CTNNAL1: variants seen among roughly 807,000 people sequenced by gnomAD.
CTNNAL1 encodes alpha-catulin.
A neutral mutation model predicts 93.6 loss-of-function variants in CTNNAL1; 69 were observed. The observed-to-expected ratio is 0.74, with a 90% CI of 0.61 to 0.90. CTNNAL1 has a LOEUF of 0.90. CTNNAL1 is among the 40% of genes least tolerant of loss of function. The probability of loss-of-function intolerance (pLI) is 0.00; values close to 1 mark genes in which losing one functional copy is unlikely to be tolerated. For synonymous variants in CTNNAL1, 286 were observed against 305.4 expected (o/e 0.94, Z 0.66); for missense variants, 836 against 862.0 (o/e 0.97, Z 0.38).
Position 108,943,795 on chromosome 9 carries a change from T to G in CTNNAL1, c.1963A>C (p.Met655Leu). The change falls in exon 17 of 19, where the codon ATG (methionine) becomes CTG (leucine). Residue 655 changes from methionine to leucine, a missense_variant. Physicochemically the swap from Met to Leu is conservative, Grantham distance 15 (BLOSUM62 2). Transcript: ENST00000325551. The part of the protein sequence containing the change: ...SKQLKDDDKL[M>L]LLLEINKLIP... ...AGCTTGTTTATTTCCAGGAGAAGCA[T>G]AAGCTTGTCATCGTCTTTCAGCTGA... 6.2e-7 allele frequency: 1 copy of G among 1,613,648 alleles called. No homozygotes were observed. Among genetic ancestry groups the G allele is most frequent in the Non-Finnish European group, 8.5e-7 (1 of 1,179,836 alleles).
At chr9:108,999,294 C>T in intron 1 of CTNNAL1, 38 bp from the exon 2 acceptor site, 1 of 1,553,898 alleles carries the variant, frequency 6.4e-7, no homozygotes, top group South Asian at 1.2e-5. Flanking sequence ...TATCTCAATA[C>T]CTTTTCTTTT....
At chr9:108,943,852 A>G in intron 16 of CTNNAL1, 36 bp from the exon 17 acceptor site, 1 of 1,607,476 alleles carries the variant, frequency 6.2e-7, no homozygotes, top group Non-Finnish European at 8.5e-7. Context: ...ACAGCCCGCA[A>G]CAAAACTCCA....
intron 11 of CTNNAL1, among the ~76,000 whole-genome samples, chr9:108,957,745 C>T (rs1264703848): frequency 6.6e-6 from 1 of 152,152 alleles, no homozygotes; most frequent in Admixed American, 6.5e-5. Flanking sequence ...AATTCACCAT[C>T]TATCTTAATT....
Position 108,954,648 on chromosome 9 carries a change from GT to G in CTNNAL1, c.1629+1141del, listed in dbSNP as rs1175519517. On this transcript the variant is annotated intron_variant, in intron 12 of 18. Transcript: ENST00000325551. ...GACAATAGCTTAAGGCACAAAAACT[GT>G]TTTTTTTAAGTCACAGAATTAATTT... Among the ~76,000 whole-genome samples, 6 of 151,808 alleles carry G rather than the reference GT, an allele frequency of 4.0e-5. No individual in the cohort carries two copies. In the East Asian group the frequency reaches 9.6e-4, roughly 24 times the overall value.
At chr9:109,005,519 G>A (rs912059963) in intron 1 of CTNNAL1, among the ~76,000 whole-genome samples, 1 of 152,052 alleles carries the variant, frequency 6.6e-6, no homozygotes, top group Non-Finnish European at 1.5e-5. Flanking sequence ...TTTAAAAGAG[G>A]CCTCAGAAAG....
At chr9:108,975,342 TA>T (rs1172448775) in intron 8 of CTNNAL1, among the ~76,000 whole-genome samples, 4 of 145,062 alleles carry the variant, frequency 2.8e-5, no homozygotes, top group Non-Finnish European at 4.5e-5. Context: ...GGGGTGGGGG[TA>T]GGGGGGGCAA....
intron 2 of CTNNAL1, among the ~76,000 whole-genome samples, chr9:108,994,815 G>T (rs1203229023): frequency 6.6e-6 from 1 of 152,154 alleles, no homozygotes; most frequent in Non-Finnish European, 1.5e-5. Context: ...CAGCTGTCTG[G>T]GTTGCTCTCT....
At chr9:108,995,647 G>C (rs1448303464) in intron 2 of CTNNAL1, among the ~76,000 whole-genome samples, 8 of 152,078 alleles carry the variant, frequency 5.3e-5, no homozygotes, top group Non-Finnish European at 1.2e-4. Context: ...ACAAATATTT[G>C]TTGAACTTCC....
chr9:109,011,818 G>T (rs1827211428), intron 1 of CTNNAL1, among the ~76,000 whole-genome samples: 1 of 152,202 alleles, frequency 6.6e-6, no homozygotes, highest in Admixed American at 6.5e-5. Flanking sequence ...GAGAATTAAT[G>T]AGTTAATATT....
At chr9:108,954,107 C>T (rs950751574) in intron 12 of CTNNAL1, among the ~76,000 whole-genome samples, 3 of 152,060 alleles carry the variant, frequency 2.0e-5, no homozygotes, top group South Asian at 2.1e-4. Flanking sequence ...AGTTTAATGA[C>T]GACTGAAATG....
chr9:108,963,861 G>A (rs1029613048), intron 11 of CTNNAL1, among the ~76,000 whole-genome samples: 2 of 152,180 alleles, frequency 1.3e-5, no homozygotes, highest in Admixed American at 6.5e-5. Flanking sequence ...GAGCTGACAG[G>A]TCACTGAGAT....
At chr9:108,989,495 T>C (rs950091181) in intron 4 of CTNNAL1, among the ~76,000 whole-genome samples, 1 of 152,166 alleles carries the variant, frequency 6.6e-6, no homozygotes, top group African/African-American at 2.4e-5. Flanking sequence ...TTATTTAGCC[T>C]GCCACTTGCC....
rs762412532 is a variant in CTNNAL1, at chr9:108,943,972, A to C, written c.1931T>G (p.Phe644Cys). ...GLKLTSSVQAFSKQLKDDDKL... is the reference protein window; with the variant it reads ...GLKLTSSVQACSKQLKDDDKL... The stretch of plus-strand genomic sequence containing the variant: ...GTAGACATGTGTTACCTGTTTTGAA[A>C]AAGCTTGAACACTGGAAGTAAGCTT... The change falls in exon 16 of 19, where the codon TTT (phenylalanine) becomes TGT (cysteine). Residue 644 changes from phenylalanine (F) to cysteine (C), a missense_variant. Coordinates refer to ENST00000325551, the MANE Select transcript of CTNNAL1 (RefSeq NM_003798.4). 2.5e-6 allele frequency: 4 copies of C among 1,613,412 alleles called. No individual in the cohort carries two copies. In the South Asian group the frequency reaches 4.4e-5, roughly 18 times the overall value.
At chr9:108,952,063 C>A in intron 14 of CTNNAL1, 146 bp downstream of exon 14, 1 of 624,480 alleles carries the variant, frequency 1.6e-6, no homozygotes, top group South Asian at 2.5e-5. Flanking sequence ...CATTCACTTA[C>A]GTAAATTGTC....
intron 4 of CTNNAL1, among the ~76,000 whole-genome samples, chr9:108,989,740 G>A (rs1312671330): frequency 1.3e-5 from 2 of 152,142 alleles, no homozygotes; most frequent in African/African-American, 4.8e-5. Context: ...GTCTGAATTG[G>A]GGAACAGACC....
chr9:108,977,262 GTTTT>G (rs1031349171), intron 7 of CTNNAL1: 3 of 306,338 alleles, frequency 9.8e-6, no homozygotes, highest in Non-Finnish European at 1.8e-5. Context: ...ATGAACTTCT[GTTTT>G]TTTATTTATT....
chr9:108,986,270 A>G (rs1380250917), intron 4 of CTNNAL1, among the ~76,000 whole-genome samples: 1 of 150,510 alleles, frequency 6.6e-6, no homozygotes, highest in Non-Finnish European at 1.5e-5. Flanking sequence ...GAGTGAGAAC[A>G]TGCAGTGTTT....
rs1235307103 is a variant in CTNNAL1, at chr9:108,990,876, T to G, written c.520-31A>C. 9.4e-6 allele frequency: 15 copies of G among 1,600,648 alleles called. No homozygotes were observed. In the Admixed American group the frequency reaches 2.6e-4, roughly 28 times the overall value. On this transcript the variant is annotated intron_variant, in intron 3 of 18. Transcript: ENST00000325551. ...AAACAGATAATAATTCATTATTTGG[T>G]GAGAGCTACTCAAGAGACTGAGATT...
intron 11 of CTNNAL1, among the ~76,000 whole-genome samples, chr9:108,958,603 C>T (rs1830745012): frequency 6.6e-6 from 1 of 152,206 alleles, no homozygotes; most frequent in Non-Finnish European, 1.5e-5. Context: ...CTCTTTCCCC[C>T]AGTTCCAACA....
Sources: gnomAD v4.1 joint callset for allele counts (sites outside exome capture counted in the v4.1 genomes callset) on GRCh38, gnomAD v4.1.1 for gene constraint, MANE v1.5 for transcripts, NCBI Gene and HGNC (gene_info 2026-07-23, HGNC 2026-07-21) for gene names.